Variants in DCAF5 observed in about 807,000 individuals in gnomAD.
DCAF5 encodes DDB1- and CUL4-associated factor 5.
DCAF5 carries 9 observed loss-of-function variants against 80.7 expected under a neutral mutation model. That is an observed-to-expected ratio of 0.11 (90% CI 0.07 to 0.19). The LOEUF (loss-of-function observed/expected upper bound fraction) is 0.19, where lower values mean the gene tolerates loss of function less well. Among genes scored for constraint, DCAF5 ranks in the 10% least tolerant of loss-of-function variants. The probability of loss-of-function intolerance (pLI) is 1.00; values close to 1 mark genes in which losing one functional copy is unlikely to be tolerated. For missense variants in DCAF5, 842 were observed against 1,205.7 expected, an observed-to-expected ratio of 0.70 and a Z score of 4.47; for synonymous variants, 433 against 461.9, an observed-to-expected ratio of 0.94 and a Z score of 0.80.
At chr14:69,099,875 C>A (rs543775931) in intron 5 of DCAF5, among the ~76,000 whole-genome samples, 1 of 152,020 alleles carries the variant, frequency 6.6e-6, no homozygotes, top group African/African-American at 2.4e-5. Flanking sequence ...TGAGCCACTG[C>A]ACTGCAGCCT....
At chr14:69,116,620 C>CA in intron 4 of DCAF5, 125 bp from the exon 5 acceptor site, 1 of 1,089,224 alleles carries the variant, frequency 9.2e-7, no homozygotes. Flanking sequence ...CCTGGAGCCC[C>CA]AAAACAGCAC....
Position 69,055,415 on chromosome 14 carries a change from C to T in DCAF5, c.1271G>A (p.Arg424His). ...RMMAFFDSLV[R>H]REIEGWSSDS... ...AGAGCTCCAGCCCTCGATCTCTCGG[C>T]GTACCAGTGAGTCAAAGAAGGCCAT... The change falls in exon 9 of 9, where the codon CGC (arginine) becomes CAC (histidine). Residue 424 changes from arginine (R) to histidine (H), a missense_variant. Physicochemically the swap from Arg to His is conservative, Grantham distance 29. This residue lies in a region of DCAF5 where 65 missense variants were observed against 191.3 expected (regional missense o/e 0.34). Transcript: ENST00000341516. This position sits in a 1 kb window ranked among gnomAD's most constrained non-coding sequence, Gnocchi z 5.6. 6.2e-7 allele frequency: 1 copy of T among 1,614,142 alleles called. No homozygotes were observed. The highest frequency in any genetic ancestry group is 8.5e-7 in the Non-Finnish European group (1 of 1,180,040).
intron 1 of DCAF5, among the ~76,000 whole-genome samples, chr14:69,123,611 C>T (rs1307212572): frequency 6.6e-6 from 1 of 152,174 alleles, no homozygotes; most frequent in African/African-American, 2.4e-5. Context: ...CAGCCACTGC[C>T]ATTATTCACC....
At chr14:69,092,640 T>G (rs2039572097) in intron 5 of DCAF5, among the ~76,000 whole-genome samples, 1 of 152,124 alleles carries the variant, frequency 6.6e-6, no homozygotes, top group South Asian at 2.1e-4. Flanking sequence ...AATAGAAACT[T>G]GTTTATAATC....
At chr14:69,131,375 A>T (rs2041034400) in intron 1 of DCAF5, among the ~76,000 whole-genome samples, 1 of 152,120 alleles carries the variant, frequency 6.6e-6, no homozygotes, top group African/African-American at 2.4e-5. Context: ...TTTTGTGTTA[A>T]CCATACCTCT....
At position 69,091,861 on chromosome 14, in the gene DCAF5, A is replaced by G; in HGVS notation, c.692T>C (p.Leu231Pro). 6.2e-7 allele frequency: 1 copy of G among 1,613,782 alleles called. No homozygotes were observed. The highest frequency in any genetic ancestry group is 8.5e-7 in the Non-Finnish European group (1 of 1,179,822). The change falls in exon 6 of 9, where the codon CTG becomes CCG. Residue 231 changes from leucine (L) to proline (P), a missense_variant. Coordinates refer to ENST00000341516, the MANE Select transcript of DCAF5 (RefSeq NM_003861.3). ...QSSLLRYGGN[L>P]SLQSAMSVRF... ...TACACTCATGGCACTTTGGAGGGAC[A>G]GGTTTCCACCATAGCGCAGGAGAGA...
intron 8 of DCAF5, among the ~76,000 whole-genome samples, chr14:69,058,773 T>C (rs1423545136): frequency 6.7e-6 from 1 of 149,548 alleles, no homozygotes; most frequent in African/African-American, 2.5e-5. Context: ...CTCAGGAGCC[T>C]GAGATGGGAG....
At chr14:69,077,365 C>CTTAT (rs71953676) in intron 6 of DCAF5, among the ~76,000 whole-genome samples, 19,489 of 143,840 alleles carry the variant, frequency 0.14, 2,017 homozygotes, top group African/African-American at 0.29. Context: ...CGACATGTAG[C>CTTAT]TTATTTATTT....
At chr14:69,121,717 G>C (rs2040724053) in intron 2 of DCAF5, among the ~76,000 whole-genome samples, 2 of 152,144 alleles carry the variant, frequency 1.3e-5, no homozygotes, top group South Asian at 4.1e-4. Context: ...GAAGGAGTAT[G>C]GTTGATGGAA....
intron 1 of DCAF5, among the ~76,000 whole-genome samples, chr14:69,143,359 C>A (rs1393984531): frequency 2.0e-5 from 3 of 152,104 alleles, no homozygotes; most frequent in South Asian, 2.1e-4. Context: ...CCACCATAAA[C>A]CATGGGAGCT....
At chr14:69,073,620 C>T (rs1055510675) in intron 7 of DCAF5, among the ~76,000 whole-genome samples, 1 of 152,044 alleles carries the variant, frequency 6.6e-6, no homozygotes, top group African/African-American at 2.4e-5. Context: ...CCACTCCACT[C>T]CAGCCTGGGC....
At chr14:69,114,799 G>A (rs1446577262) in intron 5 of DCAF5, among the ~76,000 whole-genome samples, 2 of 152,132 alleles carry the variant, frequency 1.3e-5, no homozygotes, top group Non-Finnish European at 2.9e-5. Flanking sequence ...TTAGTGAGGA[G>A]ACAAGTGGAA....
chr14:69,125,603 C>T (rs2040848798), intron 1 of DCAF5, among the ~76,000 whole-genome samples: 1 of 152,068 alleles, frequency 6.6e-6, no homozygotes, highest in Non-Finnish European at 1.5e-5. Flanking sequence ...AGGGAATGTA[C>T]AAGAAAGTTC....
chr14:69,058,702 C>T (rs1039693573), intron 8 of DCAF5, among the ~76,000 whole-genome samples: 3 of 151,494 alleles, frequency 2.0e-5, no homozygotes, highest in Non-Finnish European at 2.9e-5. Flanking sequence ...TGGCAAAACC[C>T]CGTCTCTACA....
At chr14:69,081,917 T>G (rs1268910848) in intron 6 of DCAF5, among the ~76,000 whole-genome samples, 1 of 152,184 alleles carries the variant, frequency 6.6e-6, no homozygotes, top group African/African-American at 2.4e-5. Context: ...AGTAATTGAT[T>G]AATGATTCTC....
At chr14:69,091,305 G>A in intron 6 of DCAF5, 2 of 601,730 alleles carry the variant, frequency 3.3e-6, no homozygotes, top group South Asian at 4.1e-5. Flanking sequence ...ATTCATCATT[G>A]TGTTTTATTG....
chr14:69,120,134 A>G (rs1049270295), intron 2 of DCAF5, among the ~76,000 whole-genome samples: 1 of 151,922 alleles, frequency 6.6e-6, no homozygotes, highest in Admixed American at 6.6e-5. Flanking sequence ...TCCAGGCTGG[A>G]GTGCAGTGGT....
chr14:69,122,100 A>G, intron 2 of DCAF5, 117 bp downstream of exon 2: 1 of 1,220,648 alleles, frequency 8.2e-7, no homozygotes, highest in Non-Finnish European at 1.2e-6. Flanking sequence ...GCTATGAGAA[A>G]CCAGTAATTC....
chr14:69,074,450 C>T (rs941581541), intron 7 of DCAF5, among the ~76,000 whole-genome samples: 4 of 152,182 alleles, frequency 2.6e-5, no homozygotes, highest in Non-Finnish European at 4.4e-5. Context: ...GTATGATCCA[C>T]ACTGTTTGAA....
Sources: gnomAD v4.1 joint callset for allele counts (sites outside exome capture counted in the v4.1 genomes callset) on GRCh38, gnomAD v4.1.1 for gene constraint, gnomAD v4.1.1 regional missense constraint, Gnocchi (gnomAD v3.1) non-coding constraint, MANE v1.5 for transcripts, NCBI Gene and HGNC (gene_info 2026-07-23, HGNC 2026-07-21) for gene names.